Variants in SPAG6 observed in about 807,000 individuals in gnomAD.
SPAG6 encodes sperm associated antigen 6.
A neutral mutation model predicts 58.5 loss-of-function variants in SPAG6; 49 were observed. The observed-to-expected ratio is 0.84, with a 90% CI of 0.67 to 1.06. The LOEUF (loss-of-function observed/expected upper bound fraction) is 1.06, where lower values mean the gene tolerates loss of function less well. Among genes scored for constraint, SPAG6 ranks in the 50% least tolerant of loss-of-function variants. The pLI is 0.00. For synonymous variants in SPAG6, 233 were observed against 225.6 expected, an observed-to-expected ratio of 1.03 and a Z score of -0.29; for missense variants, 560 against 611.3, an observed-to-expected ratio of 0.92 and a Z score of 0.89.
intron 2 of SPAG6, chr10:22,359,351 T>C: frequency 2.6e-6 from 1 of 382,882 alleles, no homozygotes; most frequent in Non-Finnish European, 3.6e-6. Flanking sequence ...TTTAAAGCTT[T>C]GTAAAATTTA....
At position 22,401,134 on chromosome 10, in the gene SPAG6, T is replaced by C. The variant is rs367960733; in HGVS notation, c.1198-27T>C. ...CAAGGTTTCATTGATTACTTACTTA[T>C]GTATACATTCTGCTTTGTATTTCTA... On this transcript the variant is annotated intron_variant, in intron 8 of 10. Coordinates refer to ENST00000376624, the MANE Select transcript of SPAG6 (RefSeq NM_012443.4). 18 of 1,003,214 alleles carry C rather than the reference T, an allele frequency of 1.8e-5. No individual in the cohort carries two copies. The African/African-American group carries it at 2.4e-4, about 13-fold the overall frequency. The allele number at this position is 1,003,214 out of a possible 1,614,324, so 62.1% of individuals were successfully genotyped here. A position where few individuals can be genotyped will look rare whatever the true frequency, so the allele number is the denominator to read the frequency against.
intron 8 of SPAG6, among the ~76,000 whole-genome samples, chr10:22,400,212 G>C (rs1424792223): frequency 6.6e-6 from 1 of 152,106 alleles, no homozygotes; most frequent in Non-Finnish European, 1.5e-5. Flanking sequence ...CAGAAGACCA[G>C]GTTGGGTAAG....
At chr10:22,347,330 A>G (rs1043789085) in intron 2 of SPAG6, among the ~76,000 whole-genome samples, 5 of 152,196 alleles carry the variant, frequency 3.3e-5, no homozygotes, top group Non-Finnish European at 5.9e-5. Context: ...TACCCAGAAC[A>G]ATACTGGGCA....
At chr10:22,406,845 G>A (rs1396337580) in intron 9 of SPAG6, among the ~76,000 whole-genome samples, 2 of 151,676 alleles carry the variant, frequency 1.3e-5, no homozygotes, top group Admixed American at 6.6e-5. Context: ...TATATATTTA[G>A]GATAGTTAGC....
chr10:22,362,276 G>GA (rs1837067553), intron 2 of SPAG6, among the ~76,000 whole-genome samples: 1 of 149,138 alleles, frequency 6.7e-6, no homozygotes, highest in Admixed American at 6.7e-5. Context: ...GAATAATCAG[G>GA]AAAAAATAAC....
chr10:22,346,854 C>T (rs1836573595), intron 2 of SPAG6, among the ~76,000 whole-genome samples: 3 of 152,206 alleles, frequency 2.0e-5, no homozygotes, highest in South Asian at 2.1e-4. Flanking sequence ...ATCTTCTAAA[C>T]GCATTTTAGT....
In SPAG6 at chr10:22,352,227, CTGAA is replaced by C. The variant is rs1836749216; in HGVS notation, c.121+6414_121+6417del. Among the ~76,000 whole-genome samples, 3 of 150,930 alleles carry C rather than the reference CTGAA, an allele frequency of 2.0e-5. No homozygotes were observed. The South Asian group carries it at 6.3e-4, about 31-fold the overall frequency. On this transcript the variant is annotated intron_variant, in intron 2 of 10. Coordinates refer to ENST00000376624, the MANE Select transcript of SPAG6 (RefSeq NM_012443.4). ...TGCGTGTATGTGTGTGTGTGTGTGT[CTGAA>C]TGAAATGATCTCTATTCACTTTTCT...
chr10:22,397,175 T>C (rs1834311808), intron 8 of SPAG6, among the ~76,000 whole-genome samples: 2 of 152,076 alleles, frequency 1.3e-5, no homozygotes, highest in South Asian at 4.1e-4. Context: ...CATGATCTTG[T>C]ATGTAAAAAA....
chr10:22,412,596 A>T, intron 10 of SPAG6: 2 of 752,510 alleles, frequency 2.7e-6, no homozygotes, highest in Non-Finnish European at 4.2e-6. Context: ...ATTAGTCTAC[A>T]TATAACACTC....
At chr10:22,411,009 T>C in intron 9 of SPAG6, 22 bp from the exon 10 acceptor site, 8 of 1,599,314 alleles carry the variant, frequency 5.0e-6, no homozygotes, top group Non-Finnish European at 6.8e-6. Flanking sequence ...AAGCTGACAT[T>C]TTATGTGCTT....
chr10:22,411,677 A>G (rs2130646370), intron 10 of SPAG6: 1 of 152,352 alleles, frequency 6.6e-6, no homozygotes, highest in East Asian at 1.9e-4. Flanking sequence ...GTAATATAGC[A>G]AGATGCTATT....
intron 9 of SPAG6, among the ~76,000 whole-genome samples, chr10:22,406,554 C>A (rs1227941750): frequency 1.3e-5 from 2 of 152,212 alleles, no homozygotes; most frequent in South Asian, 4.2e-4. Flanking sequence ...AGCTTTACTT[C>A]CAAGTATGTG....
At chr10:22,357,308 T>C (rs750710081) in intron 2 of SPAG6, among the ~76,000 whole-genome samples, 1 of 152,138 alleles carries the variant, frequency 6.6e-6, no homozygotes, top group Non-Finnish European at 1.5e-5. Context: ...TCATAGCATG[T>C]TGGGATTATC....
At chr10:22,352,682 T>C (rs929297912) in intron 2 of SPAG6, among the ~76,000 whole-genome samples, 1 of 152,202 alleles carries the variant, frequency 6.6e-6, no homozygotes, top group Non-Finnish European at 1.5e-5. Context: ...CACGCCCAGC[T>C]AATTTTTGTA....
At chr10:22,352,888 T>A (rs186851428) in intron 2 of SPAG6, among the ~76,000 whole-genome samples, 5 of 152,308 alleles carry the variant, frequency 3.3e-5, no homozygotes, top group Admixed American at 6.5e-5. Flanking sequence ...GAAAAAAAAG[T>A]TCCTGCTTAT....
At chr10:22,410,277 A>C (rs1834696963) in intron 9 of SPAG6, among the ~76,000 whole-genome samples, 1 of 152,236 alleles carries the variant, frequency 6.6e-6, no homozygotes, top group South Asian at 2.1e-4. Flanking sequence ...GAAATGAATG[A>C]ATGAACTCAA....
At chr10:22,410,499 C>T (rs913166590) in intron 9 of SPAG6, among the ~76,000 whole-genome samples, 22 of 152,084 alleles carry the variant, frequency 1.4e-4, no homozygotes, top group African/African-American at 4.8e-4. Flanking sequence ...GACACTTGAG[C>T]TAAGTCTTAA....
chr10:22,372,445 T>A (rs1833721038), intron 4 of SPAG6, among the ~76,000 whole-genome samples: 1 of 152,182 alleles, frequency 6.6e-6, no homozygotes, highest in South Asian at 2.1e-4. Flanking sequence ...ATGGTGGGAT[T>A]CCCCAGCCGC....
intron 2 of SPAG6, among the ~76,000 whole-genome samples, chr10:22,352,326 A>G (rs1351107937): frequency 6.6e-6 from 1 of 152,180 alleles, no homozygotes; most frequent in Admixed American, 6.5e-5. Flanking sequence ...GCTAGATTAT[A>G]TTAGTTTCCC....
Sources: gnomAD v4.1 joint callset for allele counts (sites outside exome capture counted in the v4.1 genomes callset) on GRCh38, gnomAD v4.1.1 for gene constraint, MANE v1.5 for transcripts, NCBI Gene and HGNC (gene_info 2026-07-23, HGNC 2026-07-21) for gene names.